Variants in ANXA4 observed in about 807,000 individuals in gnomAD.
The protein encoded by ANXA4 is 35-beta calcimedin.
A neutral mutation model predicts 49.8 loss-of-function variants in ANXA4; 39 were observed. The observed-to-expected ratio is 0.78, with a 90% CI of 0.61 to 1.02. ANXA4 has a LOEUF of 1.02. ANXA4 is among the 50% of genes least tolerant of loss of function. The pLI is 0.00. For synonymous variants in ANXA4, 134 were observed against 152.5 expected (o/e 0.88, Z 0.89); for missense variants, 360 against 410.1 (o/e 0.88, Z 1.05).
intron 12 of ANXA4, among the ~76,000 whole-genome samples, chr2:69,822,678 G>A (rs1674293560): frequency 6.6e-6 from 1 of 152,148 alleles, no homozygotes; most frequent in Admixed American, 6.5e-5. Flanking sequence ...GACAAATATT[G>A]TATGATTCTG....
At chr2:69,691,043 T>G (rs1015902150) in intron 2 of ANXA4, among the ~76,000 whole-genome samples, 1 of 152,172 alleles carries the variant, frequency 6.6e-6, no homozygotes, top group African/African-American at 2.4e-5. Flanking sequence ...ATTCCTTATG[T>G]GGGTAGCAGA....
At chr2:69,702,358 AAT>A (rs1477923832) in intron 2 of ANXA4, among the ~76,000 whole-genome samples, 1 of 152,088 alleles carries the variant, frequency 6.6e-6, no homozygotes, top group Non-Finnish European at 1.5e-5. Flanking sequence ...ATATAAATCA[AAT>A]ATATTTAAAA....
At chr2:69,814,105 T>A (rs1189209113) in intron 8 of ANXA4, among the ~76,000 whole-genome samples, 1 of 151,822 alleles carries the variant, frequency 6.6e-6, no homozygotes, top group African/African-American at 2.4e-5. Flanking sequence ...GAGGGATTGG[T>A]TCCATTCAGT....
chr2:69,678,822 T>C (rs1038434589), intron 2 of ANXA4, among the ~76,000 whole-genome samples: 1 of 152,220 alleles, frequency 6.6e-6, no homozygotes, highest in African/African-American at 2.4e-5. Context: ...TAACAGCTCA[T>C]CTTTAAAATC....
chr2:69,697,296 G>C (rs1678189007), intron 2 of ANXA4, among the ~76,000 whole-genome samples: 1 of 152,182 alleles, frequency 6.6e-6, no homozygotes, highest in African/African-American at 2.4e-5. Context: ...AGCAACCTCT[G>C]CTAGCCTCAG....
chr2:69,681,964 G>C (rs1677615385), intron 2 of ANXA4, among the ~76,000 whole-genome samples: 1 of 151,964 alleles, frequency 6.6e-6, no homozygotes, highest in South Asian at 2.1e-4. Flanking sequence ...AGCATCCTAA[G>C]TGGCTGGGAC....
At chr2:69,680,325 A>G (rs542742949) in intron 2 of ANXA4, among the ~76,000 whole-genome samples, 44 of 152,324 alleles carry the variant, frequency 2.9e-4, no homozygotes, top group African/African-American at 9.6e-4. Flanking sequence ...GTGTATAGAA[A>G]TGCTACTGAT....
chr2:69,664,901 G>A (rs974595606), intron 2 of ANXA4, among the ~76,000 whole-genome samples: 5 of 152,100 alleles, frequency 3.3e-5, no homozygotes, highest in African/African-American at 4.8e-5. Context: ...TCAGGAGTTC[G>A]AGACCAGCCC....
chr2:69,661,753 GT>G (rs945067360), intron 2 of ANXA4, among the ~76,000 whole-genome samples: 3 of 151,802 alleles, frequency 2.0e-5, no homozygotes, highest in Non-Finnish European at 4.4e-5. Context: ...GGGTAAGAGA[GT>G]TTTTTTTGCA....
At chr2:69,736,313 C>CAA (rs1670242443) in intron 3 of ANXA4, among the ~76,000 whole-genome samples, 1 of 152,168 alleles carries the variant, frequency 6.6e-6, no homozygotes, top group African/African-American at 2.4e-5. Flanking sequence ...AAGTTTAATG[C>CAA]AACTTGTAGA....
intron 3 of ANXA4, among the ~76,000 whole-genome samples, chr2:69,736,425 C>A (rs892193830): frequency 2.0e-5 from 3 of 152,164 alleles, no homozygotes; most frequent in Admixed American, 2.0e-4. Flanking sequence ...TCATTAATAT[C>A]ATATATTTAA....
At chr2:69,757,255 TATATATATATA>T (rs1277004086) in intron 1 of ANXA4, among the ~76,000 whole-genome samples, 1 of 48,414 alleles carries the variant, frequency 2.1e-5, no homozygotes, top group Non-Finnish European at 3.4e-5. Context: ...TATATATATA[TATATATATATA>T]TTTTTTTTTT....
At chr2:69,809,624 T>A (rs1405909635) in intron 6 of ANXA4, 3 of 152,044 alleles carry the variant, frequency 2.0e-5, no homozygotes, top group African/African-American at 7.3e-5. Context: ...ACTACAAGCA[T>A]GCGCCAACAT....
chr2:69,809,911 T>C (rs919753638), intron 6 of ANXA4: 1 of 152,298 alleles, frequency 6.6e-6, no homozygotes, highest in Non-Finnish European at 1.5e-5. Flanking sequence ...AGCTCCTATC[T>C]GGTTGCTTTC....
At chr2:69,812,065 A>T (rs1167831586) in intron 7 of ANXA4, among the ~76,000 whole-genome samples, 1 of 151,566 alleles carries the variant, frequency 6.6e-6, no homozygotes, top group Non-Finnish European at 1.5e-5. Context: ...GGGATCCTCA[A>T]GTCCCACCAT....
chr2:69,796,262 A>G (rs1558508617), intron 3 of ANXA4, among the ~76,000 whole-genome samples: 2 of 152,216 alleles, frequency 1.3e-5, no homozygotes, highest in Non-Finnish European at 2.9e-5. Flanking sequence ...AGTAGCAATT[A>G]GTGGATGCTT....
intron 4 of ANXA4, among the ~76,000 whole-genome samples, chr2:69,806,183 C>G (rs1017322307): frequency 6.6e-6 from 1 of 152,078 alleles, no homozygotes; most frequent in African/African-American, 2.4e-5. Flanking sequence ...TGTCAAATAG[C>G]CTTAGGAAAA....
At chr2:69,818,118 A>AAACAAC (rs59377169) in intron 9 of ANXA4, 19,595 of 152,076 alleles carry the variant, frequency 0.13, 3,300 homozygotes, top group African/African-American at 0.36. Flanking sequence ...ACTTGGCAAA[A>AAACAAC]AACAACAACA....
At position 69,656,287 on chromosome 2, in the gene ANXA4, A is replaced by G. The variant is rs1185766893; in HGVS notation, n.766+3005A>G. ...TATATATGTATATACGTATATATAT[A>G]CATATATGTATATATATGTATATAT... is the stretch of plus-strand genomic sequence containing the variant. On this transcript the variant is annotated intron_variant and non_coding_transcript_variant, in intron 2 of 3. Coordinates refer to the ANXA4 transcript ENST00000418066. Among the ~76,000 whole-genome samples the G allele has an allele frequency of 3.6e-3, 398 of 112,102 alleles. 35 individuals are homozygous for G. Among genetic ancestry groups the G allele is most frequent in the East Asian group, 0.019 (34 of 1,818 alleles). 73.5% of individuals were successfully genotyped at this position (112,102 alleles called of 152,430 possible). A position where few individuals can be genotyped will look rare whatever the true frequency, so the allele number is the denominator to read the frequency against.
Sources: gnomAD v4.1 joint callset for allele counts (sites outside exome capture counted in the v4.1 genomes callset) on GRCh38, gnomAD v4.1.1 for gene constraint, MANE v1.5 for transcripts, NCBI Gene and HGNC (gene_info 2026-07-23, HGNC 2026-07-21) for gene names.